CDK14: variants seen among roughly 807,000 people sequenced by gnomAD.
CDK14 encodes the protein cyclin dependent kinase 14.
Under a neutral mutation model 60.7 loss-of-function variants are expected in CDK14, and 34 were observed. That is an observed-to-expected ratio of 0.56 (90% CI 0.43 to 0.75). CDK14 has a LOEUF of 0.75. Ranked by LOEUF, CDK14 falls within the 30% of genes least tolerant of loss-of-function variation. CDK14 has a pLI of 0.00. For synonymous variants in CDK14, 197 were observed against 203.7 expected, an observed-to-expected ratio of 0.97 and a Z score of 0.28; for missense variants, 482 against 564.1, an observed-to-expected ratio of 0.85 and a Z score of 1.47.
intron 11 of CDK14, among the ~76,000 whole-genome samples, chr7:91,049,896 G>A (rs1383470024): frequency 2.0e-5 from 3 of 152,164 alleles, no homozygotes; most frequent in Non-Finnish European, 4.4e-5. Context: ...TACTGTGGAG[G>A]AAAATAGAGC....
intron 14 of CDK14, among the ~76,000 whole-genome samples, chr7:91,141,399 A>C (rs1164008299): frequency 6.6e-6 from 1 of 152,212 alleles, no homozygotes; most frequent in Non-Finnish European, 1.5e-5. Context: ...AATTAGGCCA[A>C]GTCTGGTGGT....
At chr7:90,837,693 GTTC>G (rs1427929606) in intron 5 of CDK14, among the ~76,000 whole-genome samples, 3 of 152,212 alleles carry the variant, frequency 2.0e-5, no homozygotes, top group Middle Eastern at 3.4e-3. Flanking sequence ...AGCAGAGCCT[GTTC>G]TTCTTTGCTT....
intron 4 of CDK14, among the ~76,000 whole-genome samples, chr7:90,766,102 G>C (rs1804544618): frequency 6.6e-6 from 1 of 151,110 alleles, no homozygotes; most frequent in East Asian, 1.9e-4. Flanking sequence ...TTGAAATTCA[G>C]GTACATCATG....
At chr7:90,732,191 G>A (rs192260060) in intron 3 of CDK14, among the ~76,000 whole-genome samples, 16 of 152,072 alleles carry the variant, frequency 1.1e-4, no homozygotes, top group Admixed American at 4.6e-4. Context: ...GGATGAAGCC[G>A]ACTTGATCAT....
intron 2 of CDK14, among the ~76,000 whole-genome samples, chr7:90,652,826 C>T (rs893938197): frequency 6.6e-5 from 10 of 152,088 alleles, no homozygotes; most frequent in African/African-American, 2.2e-4. Flanking sequence ...TACAAAGTGA[C>T]GGAAGTTAGG....
intron 11 of CDK14, among the ~76,000 whole-genome samples, chr7:91,071,547 A>G (rs1006721936): frequency 6.6e-6 from 1 of 152,162 alleles, no homozygotes; most frequent in Non-Finnish European, 1.5e-5. Flanking sequence ...GGAAGATCCC[A>G]CTCATGAGCC....
At chr7:91,165,772 C>T (rs1249768789) in intron 14 of CDK14, among the ~76,000 whole-genome samples, 5 of 152,168 alleles carry the variant, frequency 3.3e-5, no homozygotes, top group African/African-American at 7.2e-5. Context: ...ATGTCAAACC[C>T]TCTGCATTGT....
At chr7:90,852,740 G>A (rs1368314315) in intron 5 of CDK14, among the ~76,000 whole-genome samples, 2 of 152,178 alleles carry the variant, frequency 1.3e-5, no homozygotes, top group Non-Finnish European at 2.9e-5. Flanking sequence ...GTGTATTAGT[G>A]ACATTCATGT....
At chr7:90,948,099 T>C (rs1794153732) in intron 8 of CDK14, among the ~76,000 whole-genome samples, 1 of 152,212 alleles carries the variant, frequency 6.6e-6, no homozygotes, top group African/African-American at 2.4e-5. Flanking sequence ...AACAGATTCT[T>C]ATGATGAATT....
intron 10 of CDK14, among the ~76,000 whole-genome samples, chr7:91,000,574 CAG>C (rs924595442): frequency 1.3e-5 from 2 of 152,222 alleles, no homozygotes; most frequent in African/African-American, 4.8e-5. Context: ...GCTACAATGA[CAG>C]AGAGTACTCT....
intron 2 of CDK14, among the ~76,000 whole-genome samples, chr7:90,696,632 A>G (rs554566113): frequency 3.9e-5 from 6 of 152,256 alleles, no homozygotes; most frequent in Non-Finnish European, 5.9e-5. Context: ...TCACATAAGT[A>G]TTTGGATATG....
At chr7:90,664,705 G>A (rs574105882) in intron 2 of CDK14, among the ~76,000 whole-genome samples, 1 of 151,378 alleles carries the variant, frequency 6.6e-6, no homozygotes. Flanking sequence ...AACCAAACAC[G>A]GCATGTTCTC....
intron 5 of CDK14, among the ~76,000 whole-genome samples, chr7:90,860,536 T>C (rs1480490473): frequency 6.7e-6 from 1 of 149,756 alleles, no homozygotes; most frequent in Non-Finnish European, 1.5e-5. Context: ...TTTTTTTTTT[T>C]TTTTTTTTGA....
At chr7:90,903,755 T>G (rs1423036690) in intron 7 of CDK14, among the ~76,000 whole-genome samples, 2 of 152,136 alleles carry the variant, frequency 1.3e-5, no homozygotes, top group African/African-American at 2.4e-5. Flanking sequence ...ATATTTGAGG[T>G]CAGGGATATC....
chr7:90,940,214 C>A (rs1327713181), intron 8 of CDK14, among the ~76,000 whole-genome samples: 1 of 152,076 alleles, frequency 6.6e-6, no homozygotes, highest in African/African-American at 2.4e-5. Context: ...TACCAGTTTT[C>A]TTATGCATCT....
In CDK14 at chr7:90,644,689, A is replaced by G. The variant is rs758714485; in HGVS notation, c.123+40440A>G. ...AACTTTACTTTATCAGAATACTTCT[A>G]GGGGCACCTCTGGTGATACCATGGG... On this transcript the variant is annotated intron_variant, in intron 2 of 14. Transcript: ENST00000380050. Among the ~76,000 whole-genome samples, 119 of 152,206 alleles carry G rather than the reference A, an allele frequency of 7.8e-4. 1 individual carries two copies. Among genetic ancestry groups the G allele is most frequent in the Non-Finnish European group, 2.2e-4 (15 of 68,036 alleles).
chr7:90,608,068 A>G (rs542512924), intron 2 of CDK14, among the ~76,000 whole-genome samples: 1 of 152,278 alleles, frequency 6.6e-6, no homozygotes, highest in East Asian at 1.9e-4. Context: ...TAGTGGACAT[A>G]ATGTTTCTAG....
intron 9 of CDK14, among the ~76,000 whole-genome samples, chr7:90,964,746 T>C (rs1794705151): frequency 6.6e-6 from 1 of 152,240 alleles, no homozygotes; most frequent in African/African-American, 2.4e-5. Context: ...TTATGGTAGA[T>C]GAGGATTTAA....
chr7:90,775,959 A>G (rs1028928572), intron 4 of CDK14, among the ~76,000 whole-genome samples: 4 of 152,116 alleles, frequency 2.6e-5, no homozygotes, highest in Admixed American at 2.6e-4. Context: ...CTCATAGAGA[A>G]CTAATTAACA....
Sources: allele counts gnomAD v4.1 joint callset (sites outside exome capture counted in the v4.1 genomes callset), GRCh38; gene constraint gnomAD v4.1.1; transcripts MANE v1.5; gene names NCBI Gene and HGNC (gene_info 2026-07-23, HGNC 2026-07-21).